Variants in CTNND2 observed in about 807,000 individuals in gnomAD.
The protein encoded by CTNND2 is catenin delta-2.
In CTNND2, 22 loss-of-function variants were observed where a neutral mutation model predicts 144.4. The observed-to-expected ratio is 0.15, with a 90% CI of 0.11 to 0.22. CTNND2 has a LOEUF of 0.22. CTNND2 is among the 10% of genes least tolerant of loss of function. The probability of loss-of-function intolerance (pLI) is 1.00; values close to 1 mark genes in which losing one functional copy is unlikely to be tolerated. For synonymous variants in CTNND2, 751 were observed against 695.6 expected, an observed-to-expected ratio of 1.08 and a Z score of -1.25; for missense variants, 1,353 against 1,618.8, an observed-to-expected ratio of 0.84 and a Z score of 2.82.
At chr5:11,109,109 C>T (rs1024772590) in intron 14 of CTNND2, among the ~76,000 whole-genome samples, 4 of 152,204 alleles carry the variant, frequency 2.6e-5, no homozygotes, top group South Asian at 2.1e-4. Flanking sequence ...TTGTCCAAAA[C>T]GGACTAGAGA....
rs144581437 is a variant in CTNND2, at chr5:11,687,084, C to T, written c.174+45052G>A. ...CTCTCCCCATTTTCAATATAATTCA[C>T]CTGGTTAAGTTCTTTGTCAATTTGT... On this transcript the variant is annotated intron_variant, in intron 2 of 21. Transcript: ENST00000304623. 2.1e-3 allele frequency among the ~76,000 whole-genome samples: 320 copies of T among 152,186 alleles called. 2 individuals carry two copies. The highest frequency in any genetic ancestry group is 3.4e-3 in the Non-Finnish European group (231 of 68,012).
At chr5:11,468,646 C>T (rs1249388491) in intron 3 of CTNND2, among the ~76,000 whole-genome samples, 3 of 152,184 alleles carry the variant, frequency 2.0e-5, no homozygotes, top group Non-Finnish European at 4.4e-5. Flanking sequence ...AATGACTACA[C>T]TTATTCATTT....
At chr5:11,470,980 A>ATATATT (rs1219093645) in intron 3 of CTNND2, among the ~76,000 whole-genome samples, 19 of 91,534 alleles carry the variant, frequency 2.1e-4, no homozygotes, top group South Asian at 3.8e-4. Context: ...ATATATATAT[A>ATATATT]TTTTTTTTTT....
intron 16 of CTNND2, among the ~76,000 whole-genome samples, chr5:11,069,665 CAGACAGACAGACAGAG>C: frequency 2.7e-5 from 1 of 36,676 alleles, no homozygotes; most frequent in African/African-American, 1.3e-4. Flanking sequence ...GAGAGAGAGA[CAGACAGACAGACAGAG>C]AGACAGAGAG....
chr5:11,772,954 C>T (rs1388325636), intron 1 of CTNND2, among the ~76,000 whole-genome samples: 2 of 152,164 alleles, frequency 1.3e-5, no homozygotes, highest in Non-Finnish European at 2.9e-5. Flanking sequence ...AGAAATGCAT[C>T]TTTTTCTCAA....
In CTNND2 at chr5:11,569,853, C is replaced by T. The variant is rs141568082; in HGVS notation, c.175-4797G>A. ...AGGAGTTAGGGCCTTTGGGAGGTGA[C>T]TAGATGAACCAGGAAGTGGGCCCTC... On this transcript the variant is annotated intron_variant, in intron 2 of 21. Transcript: ENST00000304623. Among the ~76,000 whole-genome samples the T allele has an allele frequency of 2.1e-3, 322 of 152,230 alleles. 2 individuals carry two copies. Among genetic ancestry groups the T allele is most frequent in the African/African-American group, 7.2e-3 (300 of 41,534 alleles).
At chr5:11,057,357 T>C (rs573319300) in intron 16 of CTNND2, among the ~76,000 whole-genome samples, 5 of 152,332 alleles carry the variant, frequency 3.3e-5, no homozygotes, top group South Asian at 2.1e-4. Flanking sequence ...AATTGAATCA[T>C]GGGGACAGGT....
At chr5:11,486,304 A>T (rs189329341) in intron 3 of CTNND2, among the ~76,000 whole-genome samples, 2 of 152,312 alleles carry the variant, frequency 1.3e-5, no homozygotes, top group East Asian at 3.9e-4. Context: ...CCAGTAGATC[A>T]CACTAGGTGA....
rs1781007279 is a variant in CTNND2 at position 11,623,845 on chromosome 5, T to C, written c.175-58789A>G. On this transcript the variant is annotated intron_variant, in intron 2 of 21. Transcript: ENST00000304623. The stretch of plus-strand genomic sequence containing the variant: ...ATATATATATATATATATATATATA[T>C]ATATATATGCACCAAAAAAGGAGCA... Among the ~76,000 whole-genome samples, 3 of 119,968 alleles carry C rather than the reference T, an allele frequency of 2.5e-5. 1 individual carries two copies. The highest frequency in any genetic ancestry group is 1.0e-4 in the African/African-American group (3 of 28,986). The allele number at this position is 119,968 out of a possible 152,430, so 78.7% of individuals were successfully genotyped here.
chr5:11,814,360 CAT>C (rs1241749897), intron 1 of CTNND2, among the ~76,000 whole-genome samples: 1 of 152,238 alleles, frequency 6.6e-6, no homozygotes, highest in African/African-American at 2.4e-5. Context: ...CTAATTAAAA[CAT>C]GTGGTAGAGG....
At chr5:10,983,504 C>G (rs529859974) in intron 20 of CTNND2, among the ~76,000 whole-genome samples, 1 of 152,200 alleles carries the variant, frequency 6.6e-6, no homozygotes, top group African/African-American at 2.4e-5. Context: ...GAGTTCACTA[C>G]AGCTGTGCAA....
intron 7 of CTNND2, among the ~76,000 whole-genome samples, chr5:11,377,141 C>T (rs972486363): frequency 6.6e-6 from 1 of 151,810 alleles, no homozygotes; most frequent in Non-Finnish European, 1.5e-5. Context: ...ACCTCTGCCT[C>T]CTGGGTTCAA....
At chr5:11,880,021 C>T (rs1735911394) in intron 1 of CTNND2, among the ~76,000 whole-genome samples, 2 of 152,176 alleles carry the variant, frequency 1.3e-5, no homozygotes, top group African/African-American at 4.8e-5. Context: ...GGAGTCACCA[C>T]AACTGTCAAA....
intron 9 of CTNND2, among the ~76,000 whole-genome samples, chr5:11,248,744 G>A (rs184461691): frequency 3.3e-4 from 50 of 152,324 alleles, no homozygotes; most frequent in African/African-American, 1.2e-3. Flanking sequence ...TAAGCTCTGT[G>A]TTTCTGGAAG....
chr5:11,140,340 T>A (rs1170328539), intron 12 of CTNND2, among the ~76,000 whole-genome samples: 1 of 152,222 alleles, frequency 6.6e-6, no homozygotes, highest in Non-Finnish European at 1.5e-5. Flanking sequence ...GCTCTTCTTT[T>A]AATAATTTTA....
In CTNND2 at chr5:11,444,683, C is replaced by G. The variant is rs922484252; in HGVS notation, c.288-32614G>C. Among the ~76,000 whole-genome samples, 8 of 152,276 alleles carry G rather than the reference C, an allele frequency of 5.3e-5. No individual in the cohort carries two copies. The South Asian group carries it at 1.2e-3, about 24-fold the overall frequency. ...TGCCACTGTACTCCAGCCTGGATAA[C>G]AGAGTGAGACTCTGTCTAAAAAAAT... is the stretch of plus-strand genomic sequence containing the variant. On this transcript the variant is annotated intron_variant, in intron 3 of 21. Coordinates refer to ENST00000304623, the MANE Select transcript of CTNND2 (RefSeq NM_001332.4).
At chr5:11,676,611 A>C (rs1377421524) in intron 2 of CTNND2, among the ~76,000 whole-genome samples, 1 of 152,074 alleles carries the variant, frequency 6.6e-6, no homozygotes, top group Admixed American at 6.6e-5. Context: ...AAAAAAAAAA[A>C]AAGACATACA....
At chr5:11,124,592 T>C (rs1001562859) in intron 12 of CTNND2, among the ~76,000 whole-genome samples, 1 of 152,220 alleles carries the variant, frequency 6.6e-6, no homozygotes, top group African/African-American at 2.4e-5. Flanking sequence ...ACAGGGTTTC[T>C]GCCACTTTTT....
At chr5:11,680,731 A>G (rs1784389584) in intron 2 of CTNND2, among the ~76,000 whole-genome samples, 1 of 152,206 alleles carries the variant, frequency 6.6e-6, no homozygotes, top group African/African-American at 2.4e-5. Flanking sequence ...ATAACAGCAC[A>G]GAGCAGCAGG....
Sources: gnomAD v4.1 joint callset for allele counts (sites outside exome capture counted in the v4.1 genomes callset) on GRCh38, gnomAD v4.1.1 for gene constraint, MANE v1.5 for transcripts, NCBI Gene and HGNC (gene_info 2026-07-23, HGNC 2026-07-21) for gene names.